The following ROBO2 variants were observed in gnomAD, a reference collection of about 807,000 sequenced individuals.
The protein encoded by ROBO2 is roundabout guidance receptor 2.
A neutral mutation model predicts 160.8 loss-of-function variants in ROBO2; 53 were observed. The ratio of observed to expected loss-of-function variants is 0.33; its 90% CI spans 0.26 to 0.41. The LOEUF (loss-of-function observed/expected upper bound fraction) is 0.41. Among genes scored for constraint, ROBO2 ranks in the 10% least tolerant of loss-of-function variants. The pLI is 1.00. For missense variants in ROBO2, 1,577 were observed against 1,722.4 expected, an observed-to-expected ratio of 0.92 and a Z score of 1.49; for synonymous variants, 664 against 611.7, an observed-to-expected ratio of 1.09 and a Z score of -1.26.
chr3:77,346,397 T>C (rs1275339806), intron 2 of ROBO2, among the ~76,000 whole-genome samples: 6 of 152,172 alleles, frequency 3.9e-5, no homozygotes, highest in Admixed American at 3.9e-4. Context: ...CCAGTTTTAT[T>C]ACTCCTCATT....
At chr3:77,639,398 A>G (rs2095314949) in intron 24 of ROBO2, among the ~76,000 whole-genome samples, 1 of 152,170 alleles carries the variant, frequency 6.6e-6, no homozygotes, top group Non-Finnish European at 1.5e-5. Context: ...TGTTATGGGG[A>G]AAAAACAAAG....
intron 2 of ROBO2, among the ~76,000 whole-genome samples, chr3:77,372,235 A>G (rs538149438): frequency 6.6e-6 from 1 of 152,224 alleles, no homozygotes; most frequent in Admixed American, 6.5e-5. Context: ...GAAAAGCATT[A>G]TTAAAAAGTG....
intron 2 of ROBO2, among the ~76,000 whole-genome samples, chr3:76,798,016 A>G (rs1295709903): frequency 6.6e-6 from 1 of 151,688 alleles, no homozygotes; most frequent in Non-Finnish European, 1.5e-5. Context: ...AAATTATTCC[A>G]AAAAGTAGAA....
At chr3:77,422,536 T>G (rs2077804903) in intron 2 of ROBO2, among the ~76,000 whole-genome samples, 1 of 152,186 alleles carries the variant, frequency 6.6e-6, no homozygotes, top group Admixed American at 6.6e-5. Flanking sequence ...AACTAGTGTT[T>G]CATAAATTAG....
intron 2 of ROBO2, among the ~76,000 whole-genome samples, chr3:76,561,083 T>C (rs1253820071): frequency 6.6e-6 from 1 of 151,280 alleles, no homozygotes; most frequent in Non-Finnish European, 1.5e-5. Context: ...TTCACCATTA[T>C]AGCTCACTGT....
At chr3:76,458,599 C>T (rs138586133) in intron 2 of ROBO2, among the ~76,000 whole-genome samples, 2 of 152,298 alleles carry the variant, frequency 1.3e-5, no homozygotes, top group African/African-American at 4.8e-5. Flanking sequence ...CAAGACCCCA[C>T]TCTACTGATA....
chr3:76,040,737 C>T (rs2067250055), intron 2 of ROBO2, among the ~76,000 whole-genome samples: 1 of 152,016 alleles, frequency 6.6e-6, no homozygotes, highest in Admixed American at 6.5e-5. Context: ...CCTGTAATCC[C>T]AGCACTTTGG....
At chr3:77,103,026 G>C (rs1254991306) in intron 2 of ROBO2, among the ~76,000 whole-genome samples, 6 of 152,182 alleles carry the variant, frequency 3.9e-5, no homozygotes, top group Admixed American at 3.9e-4. Context: ...ACCACCAGGA[G>C]AGCCATGGTG....
chr3:76,911,094 C>G (rs1173155421), intron 2 of ROBO2, among the ~76,000 whole-genome samples: 2 of 152,128 alleles, frequency 1.3e-5, no homozygotes, highest in Admixed American at 1.3e-4. Flanking sequence ...CATTTAGTAA[C>G]TAAGCAGGAA....
In ROBO2 at chr3:76,144,074, C is replaced by A. The variant is rs533133531; in HGVS notation, c.109+206472C>A. Among the ~76,000 whole-genome samples the A allele has an allele frequency of 4.9e-4, 74 of 152,046 alleles. 1 individual carries two copies. The highest frequency in any genetic ancestry group is 1.5e-3 in the Admixed American group (23 of 15,246). ...ATGTTAATCTCAGCCAGAAACACCC[C>A]CACAGACACCTCAGAATGATGTTTA... On this transcript the variant is annotated intron_variant, in intron 2 of 26. Transcript: ENST00000487694.
chr3:77,608,244 TAC>T (rs896529599), intron 21 of ROBO2, among the ~76,000 whole-genome samples: 1 of 152,176 alleles, frequency 6.6e-6, no homozygotes, highest in Non-Finnish European at 1.5e-5. Flanking sequence ...TGAAAGCAAG[TAC>T]CCACAGCTCT....
At chr3:77,214,105 C>T (rs951288397) in intron 2 of ROBO2, among the ~76,000 whole-genome samples, 2 of 152,096 alleles carry the variant, frequency 1.3e-5, no homozygotes, top group Admixed American at 6.6e-5. Flanking sequence ...CTGCTTGGTG[C>T]AGAGCTGAGT....
At chr3:77,054,718 C>T (rs1198147163) in intron 1 of ROBO2, among the ~76,000 whole-genome samples, 1 of 152,034 alleles carries the variant, frequency 6.6e-6, no homozygotes, top group Non-Finnish European at 1.5e-5. Flanking sequence ...CTCAGTAAAA[C>T]AGAAGTAAAA....
At chr3:77,168,664 T>C (rs2079335605) in intron 2 of ROBO2, among the ~76,000 whole-genome samples, 1 of 152,190 alleles carries the variant, frequency 6.6e-6, no homozygotes, top group Admixed American at 6.5e-5. Context: ...TTGCCCCGAC[T>C]CCTAGTAAGT....
chr3:75,943,145 AT>A (rs1361942305), intron 2 of ROBO2, among the ~76,000 whole-genome samples: 6 of 152,144 alleles, frequency 3.9e-5, no homozygotes, highest in Admixed American at 2.0e-4. Context: ...AGCATATTTC[AT>A]TTTTATAAGG....
At chr3:76,469,689 C>T (rs562477044) in intron 2 of ROBO2, among the ~76,000 whole-genome samples, 1 of 152,158 alleles carries the variant, frequency 6.6e-6, no homozygotes, top group East Asian at 1.9e-4. Context: ...GTTAACTACT[C>T]ATCACCTTTG....
chr3:76,433,117 T>C (rs974779185), intron 2 of ROBO2, among the ~76,000 whole-genome samples: 3 of 152,204 alleles, frequency 2.0e-5, no homozygotes, highest in African/African-American at 7.2e-5. Flanking sequence ...TTCTCATATA[T>C]CTGCAGTTAA....
chr3:76,910,725 C>CAAAAAA (rs10662303), intron 2 of ROBO2, among the ~76,000 whole-genome samples: 12 of 35,366 alleles, frequency 3.4e-4, no homozygotes, highest in African/African-American at 6.6e-4. Context: ...AACTCTGTCT[C>CAAAAAA]AAAAAAAAAA....
intron 2 of ROBO2, among the ~76,000 whole-genome samples, chr3:76,071,965 A>T (rs2068473499): frequency 1.3e-5 from 2 of 152,120 alleles, no homozygotes. Flanking sequence ...TCAATACCAA[A>T]AAAAGCTTGT....
Sources: gnomAD v4.1 joint callset for allele counts (sites outside exome capture counted in the v4.1 genomes callset) on GRCh38, gnomAD v4.1.1 for gene constraint, MANE v1.5 for transcripts, NCBI Gene and HGNC (gene_info 2026-07-23, HGNC 2026-07-21) for gene names.